NDUFV3: variants seen among roughly 807,000 people sequenced by gnomAD.
The protein encoded by NDUFV3 is NADH:ubiquinone oxidoreductase subunit V3.
Under a neutral mutation model 37.5 loss-of-function variants are expected in NDUFV3, and 44 were observed. That is an observed-to-expected ratio of 1.17 (90% CI 0.92 to 1.51). NDUFV3 has a LOEUF of 1.51. Ranked by LOEUF, NDUFV3 falls within the 40% of genes most tolerant of loss-of-function variation. The probability of loss-of-function intolerance (pLI) is 0.00; values close to 1 mark genes in which losing one functional copy is unlikely to be tolerated. For missense variants in NDUFV3, 580 were observed against 580.4 expected (o/e 1.00, Z 0.01); for synonymous variants, 235 against 239.3 (o/e 0.98, Z 0.17).
At chr21:42,907,153 C>G (rs779221961) in intron 3 of NDUFV3, among the ~76,000 whole-genome samples, 1 of 152,126 alleles carries the variant, frequency 6.6e-6, no homozygotes, top group African/African-American at 2.4e-5. Context: ...TGCAGGAGAC[C>G]AGTACTTCTT....
Position 42,903,460 on chromosome 21 carries a change from T to C in NDUFV3, c.448T>C (p.Ser150Pro). ...TCGTCAGGTGGGTCGGAAAGTGACG[T>C]CGCCTTCGTCTTCATCCTCTTCCAG... is the stretch of plus-strand genomic sequence containing the variant. ...EARQVGRKVTSPSSSSSSSSS... is the reference protein window; with the variant it reads ...EARQVGRKVTPPSSSSSSSSS... Residue 150 changes from serine (S) to proline (P), a missense_variant, in exon 3 of 4, where the codon TCG (serine) becomes CCG (proline). By Grantham distance (74) the Ser-to-Pro change is moderately conservative (BLOSUM62 -1). Coordinates refer to ENST00000354250, the MANE Select transcript of NDUFV3 (RefSeq NM_021075.4). 1 of 1,614,090 alleles carries C rather than the reference T, an allele frequency of 6.2e-7. No homozygotes were observed. The highest frequency in any genetic ancestry group is 8.5e-7 in the Non-Finnish European group (1 of 1,179,944).
At chr21:42,907,791 A>G (rs1172453132) in intron 3 of NDUFV3, among the ~76,000 whole-genome samples, 1 of 150,756 alleles carries the variant, frequency 6.6e-6, no homozygotes, top group Non-Finnish European at 1.5e-5. Flanking sequence ...GAGTCTCACT[A>G]TTTTGCCCAG....
rs1177215000 is a variant in NDUFV3, at chr21:42,909,230, C to T, written c.*209C>T. ...ATTCTCGGCTCACTGCAACTTCCGCCTCCTGGGTTCAAGTGATTCTCCCAC... is the reference window on the plus strand; with the variant it reads ...ATTCTCGGCTCACTGCAACTTCCGCTTCCTGGGTTCAAGTGATTCTCCCAC... On this transcript the variant is annotated 3_prime_UTR_variant, in exon 4 of 4. Transcript: ENST00000354250. 1 of 499,982 alleles carries T rather than the reference C, an allele frequency of 2.0e-6. No homozygotes were observed. Among genetic ancestry groups the T allele is most frequent in the Non-Finnish European group, 3.6e-6 (1 of 279,518 alleles). The allele number at this position is 499,982 out of a possible 1,614,324, so 31.0% of individuals were successfully genotyped here. A position where few individuals can be genotyped will look rare whatever the true frequency, so the allele number is the denominator to read the frequency against.
chr21:42,896,686 A>G (rs549507351), intron 1 of NDUFV3, among the ~76,000 whole-genome samples: 106 of 152,134 alleles, frequency 7.0e-4, no homozygotes, highest in African/African-American at 2.4e-3. Flanking sequence ...TCTCGTCTCT[A>G]TAAAAAATAA....
chr21:42,894,479 A>G (rs868198530), intron 1 of NDUFV3, among the ~76,000 whole-genome samples: 1 of 64,272 alleles, frequency 1.6e-5, no homozygotes, highest in African/African-American at 8.9e-5. Flanking sequence ...TATATTATAT[A>G]TTTATATATT....
intron 1 of NDUFV3, among the ~76,000 whole-genome samples, chr21:42,895,210 C>T (rs538254506): frequency 1.2e-3 from 185 of 152,016 alleles, no homozygotes; most frequent in African/African-American, 4.3e-3. Flanking sequence ...GAGCCAAGCG[C>T]GGTAGCTCAC....
chr21:42,897,126 G>T, intron 2 of NDUFV3, 79 bp downstream of exon 2: 2 of 1,505,106 alleles, frequency 1.3e-6, no homozygotes, highest in Non-Finnish European at 9.1e-7. Flanking sequence ...GCACGACAGT[G>T]AGTTTTACTA....
At chr21:42,898,290 A>G (rs928383477) in intron 2 of NDUFV3, among the ~76,000 whole-genome samples, 4 of 151,216 alleles carry the variant, frequency 2.6e-5, no homozygotes, top group African/African-American at 9.7e-5. Flanking sequence ...CTTTTATGTT[A>G]TTTGTTTTAA....
chr21:42,895,652 C>CAA (rs68028200), intron 1 of NDUFV3, among the ~76,000 whole-genome samples: 5 of 92,324 alleles, frequency 5.4e-5, no homozygotes, highest in Admixed American at 1.2e-4. Context: ...ACCCTGTCTC[C>CAA]AAAAAAAAAA....
intron 3 of NDUFV3, among the ~76,000 whole-genome samples, chr21:42,907,773 T>C (rs2058748388): frequency 6.6e-6 from 1 of 151,810 alleles, no homozygotes; most frequent in Non-Finnish European, 1.5e-5. Context: ...TTATTCTTTG[T>C]AGAGACAGAG....
chr21:42,901,481 G>A (rs1393348262), intron 2 of NDUFV3, among the ~76,000 whole-genome samples: 2 of 151,716 alleles, frequency 1.3e-5, no homozygotes, highest in South Asian at 2.1e-4. Flanking sequence ...CACAACTGTA[G>A]TACCAGCTAC....
intron 2 of NDUFV3, among the ~76,000 whole-genome samples, chr21:42,898,795 C>G (rs570998083): frequency 6.6e-6 from 1 of 152,312 alleles, no homozygotes; most frequent in South Asian, 2.1e-4. Flanking sequence ...TTGACATTCT[C>G]TAAATGTTTA....
chr21:42,900,759 A>C (rs770713380), intron 2 of NDUFV3, among the ~76,000 whole-genome samples: 1 of 152,192 alleles, frequency 6.6e-6, no homozygotes, highest in Admixed American at 6.5e-5. Context: ...CTCTAGTCAG[A>C]GTGTCTGCCA....
At chr21:42,897,494 T>C (rs2058697748) in intron 2 of NDUFV3, among the ~76,000 whole-genome samples, 1 of 152,128 alleles carries the variant, frequency 6.6e-6, no homozygotes, top group Non-Finnish European at 1.5e-5. Flanking sequence ...TTAATCCCAG[T>C]CCAGGACTAG....
rs530907593 is a variant in NDUFV3, at chr21:42,896,964, C to A, written c.86C>A (p.Ala29Asp). The A allele has an allele frequency of 6.2e-7, 1 of 1,613,966 alleles. No individual in the cohort carries two copies. Among genetic ancestry groups the A allele is most frequent in the Non-Finnish European group, 8.5e-7 (1 of 1,179,884 alleles). ...LQEAQVFRGLASTVSLSAESG... is the reference protein window; with the variant it reads ...LQEAQVFRGLDSTVSLSAESG... ...GAAGCCCAGGTGTTTCGAGGACTTG[C>A]TTCTACGGTTTCTTTGTCTGCGGAA... The change falls in exon 2 of 4, where the codon GCT becomes GAT. Residue 29 changes from alanine (A) to aspartate (D), a missense_variant. Ala to Asp is a moderately radical substitution (Grantham distance 126). Transcript: ENST00000354250.
chr21:42,905,862 CATT>C (rs2058738992), intron 3 of NDUFV3, among the ~76,000 whole-genome samples: 1 of 109,124 alleles, frequency 9.2e-6, no homozygotes, highest in African/African-American at 3.9e-5. Context: ...ATGATGTTAC[CATT>C]TTTTTTTTTT....
intron 2 of NDUFV3, among the ~76,000 whole-genome samples, chr21:42,899,645 A>G (rs915216582): frequency 5.3e-5 from 8 of 152,072 alleles, no homozygotes; most frequent in Non-Finnish European, 8.8e-5. Flanking sequence ...GGGTTTCACC[A>G]TGTTGGCCAG....
intron 3 of NDUFV3, among the ~76,000 whole-genome samples, chr21:42,908,370 A>T (rs1257513084): frequency 6.6e-6 from 1 of 151,734 alleles, no homozygotes; most frequent in Non-Finnish European, 1.5e-5. Flanking sequence ...TATGTTTTAG[A>T]ATAAACTTCC....
At chr21:42,908,021 G>T (rs1015569012) in intron 3 of NDUFV3, among the ~76,000 whole-genome samples, 5 of 151,942 alleles carry the variant, frequency 3.3e-5, no homozygotes, top group Non-Finnish European at 5.9e-5. Context: ...AAGACACGTT[G>T]TATGGCCTGG....
Sources: gnomAD v4.1 joint callset for allele counts (sites outside exome capture counted in the v4.1 genomes callset) on GRCh38, gnomAD v4.1.1 for gene constraint, MANE v1.5 for transcripts, NCBI Gene and HGNC (gene_info 2026-07-23, HGNC 2026-07-21) for gene names.